Variants in RNF180 observed in about 807,000 individuals in gnomAD.
The protein encoded by RNF180 is E3 ubiquitin-protein ligase RNF180.
In RNF180, 38 loss-of-function variants were observed where a neutral mutation model predicts 59.2. The observed-to-expected ratio is 0.64, with a 90% CI of 0.50 to 0.84. The LOEUF (loss-of-function observed/expected upper bound fraction) is 0.84. Ranked by LOEUF, RNF180 falls within the 40% of genes least tolerant of loss-of-function variation. RNF180 has a pLI of 0.00. For synonymous variants in RNF180, 262 were observed against 240.3 expected (o/e 1.09, Z -0.84); for missense variants, 705 against 700.9 (o/e 1.01, Z -0.07).
intron 1 of RNF180, among the ~76,000 whole-genome samples, chr5:64,182,449 C>A (rs1255179368): frequency 4.6e-5 from 7 of 152,260 alleles, no homozygotes; most frequent in African/African-American, 1.7e-4. Flanking sequence ...ACATTAGTGT[C>A]TGGAAACATT....
chr5:64,224,438 C>T (rs1001112887), intron 5 of RNF180, among the ~76,000 whole-genome samples: 12 of 152,122 alleles, frequency 7.9e-5, no homozygotes, highest in Admixed American at 5.9e-4. Flanking sequence ...TATAGCTTTT[C>T]TTACCCTGCT....
At chr5:64,259,535 T>G (rs1580130323) in intron 5 of RNF180, among the ~76,000 whole-genome samples, 1 of 152,200 alleles carries the variant, frequency 6.6e-6, no homozygotes, top group East Asian at 1.9e-4. Flanking sequence ...CTTAGAGACT[T>G]ACTCCTATTG....
intron 7 of RNF180, among the ~76,000 whole-genome samples, chr5:64,352,574 T>C: frequency 6.6e-6 from 1 of 152,086 alleles, no homozygotes; most frequent in East Asian, 1.9e-4. Flanking sequence ...CTGCTTTAAA[T>C]GTGTCCCAGA....
At chr5:64,348,923 C>G (rs954320536) in intron 7 of RNF180, among the ~76,000 whole-genome samples, 1 of 151,974 alleles carries the variant, frequency 6.6e-6, no homozygotes, top group Admixed American at 6.6e-5. Context: ...TTAAATGATA[C>G]CTTGTCTGAG....
intron 7 of RNF180, among the ~76,000 whole-genome samples, chr5:64,351,756 A>G (rs1745821224): frequency 6.6e-6 from 1 of 151,766 alleles, no homozygotes; most frequent in East Asian, 1.9e-4. Context: ...GATGAAGCCC[A>G]CTTGATCATG....
chr5:64,253,846 A>G (rs1427496464), intron 5 of RNF180, among the ~76,000 whole-genome samples: 1 of 152,140 alleles, frequency 6.6e-6, no homozygotes, highest in East Asian at 1.9e-4. Flanking sequence ...AACAAACCTG[A>G]TATGTGGTAG....
intron 5 of RNF180, among the ~76,000 whole-genome samples, chr5:64,227,217 G>A (rs1741822419): frequency 6.6e-6 from 1 of 152,142 alleles, no homozygotes; most frequent in African/African-American, 2.4e-5. Context: ...GGCCTGGACA[G>A]CCTTGGGGAA....
At chr5:64,212,921 C>G (rs896867248) in intron 3 of RNF180, among the ~76,000 whole-genome samples, 2 of 152,134 alleles carry the variant, frequency 1.3e-5, no homozygotes, top group Non-Finnish European at 1.5e-5. Flanking sequence ...TAGGAGAATG[C>G]CAGTGCACTG....
At chr5:64,171,248 T>C (rs1749918455) in intron 1 of RNF180, among the ~76,000 whole-genome samples, 2 of 152,194 alleles carry the variant, frequency 1.3e-5, no homozygotes, top group Admixed American at 1.3e-4. Context: ...ATAACGACAA[T>C]GATAATGCTA....
At chr5:64,212,408 A>G (rs1752360471) in intron 3 of RNF180, among the ~76,000 whole-genome samples, 1 of 152,008 alleles carries the variant, frequency 6.6e-6, no homozygotes, top group Non-Finnish European at 1.5e-5. Context: ...AGAAGCATAT[A>G]TATGACATAT....
At chr5:64,233,964 G>A (rs1742249917) in intron 5 of RNF180, among the ~76,000 whole-genome samples, 1 of 152,130 alleles carries the variant, frequency 6.6e-6, no homozygotes, top group Admixed American at 6.5e-5. Context: ...TACATGGCTT[G>A]TAAGTTGGAG....
chr5:64,173,556 T>C (rs1750058398), intron 1 of RNF180, among the ~76,000 whole-genome samples: 1 of 152,126 alleles, frequency 6.6e-6, no homozygotes. Flanking sequence ...ATGCAGTAGA[T>C]CACCAAAACT....
intron 5 of RNF180, among the ~76,000 whole-genome samples, chr5:64,308,204 TGTTA>T (rs1290528923): frequency 6.6e-6 from 1 of 151,806 alleles, no homozygotes; most frequent in Non-Finnish European, 1.5e-5. Flanking sequence ...CCTCATTATT[TGTTA>T]GTTCCACATT....
chr5:64,170,113 G>A (rs1047950876), intron 1 of RNF180, among the ~76,000 whole-genome samples: 4 of 152,206 alleles, frequency 2.6e-5, no homozygotes, highest in African/African-American at 9.7e-5. Flanking sequence ...TGGCCACAGA[G>A]TTATCCACAA....
At chr5:64,183,648 T>G (rs890255962) in intron 1 of RNF180, among the ~76,000 whole-genome samples, 4 of 152,052 alleles carry the variant, frequency 2.6e-5, no homozygotes, top group African/African-American at 9.7e-5. Context: ...AGGTTTCACC[T>G]TCTTGGCCAG....
chr5:64,280,925 C>T (rs1741977517), intron 5 of RNF180, among the ~76,000 whole-genome samples: 1 of 152,068 alleles, frequency 6.6e-6, no homozygotes. Flanking sequence ...TTCTTTGTAT[C>T]CCCTGTCCAT....
At chr5:64,323,622 G>A (rs1744483358) in intron 5 of RNF180, among the ~76,000 whole-genome samples, 1 of 152,058 alleles carries the variant, frequency 6.6e-6, no homozygotes, top group Admixed American at 6.6e-5. Flanking sequence ...TAAATGCTTG[G>A]TTTGAGAAAA....
chr5:64,219,663 G>A (rs149381902), intron 5 of RNF180, among the ~76,000 whole-genome samples: 65 of 149,764 alleles, frequency 4.3e-4, no homozygotes, highest in Admixed American at 1.1e-3. Flanking sequence ...ACAAGCGCAC[G>A]CCACCACGCT....
intron 5 of RNF180, among the ~76,000 whole-genome samples, chr5:64,230,381 C>G (rs530580969): frequency 2.6e-4 from 39 of 152,280 alleles, no homozygotes; most frequent in Non-Finnish European, 5.1e-4. Context: ...TCTGCAGGCT[C>G]CAGGGGAGAG....
Sources: gnomAD v4.1 joint callset for allele counts (sites outside exome capture counted in the v4.1 genomes callset) on GRCh38, gnomAD v4.1.1 for gene constraint, MANE v1.5 for transcripts, NCBI Gene and HGNC (gene_info 2026-07-23, HGNC 2026-07-21) for gene names.